Variants in HDAC9 observed in about 807,000 individuals in gnomAD.
HDAC9 encodes MEF-2 interacting transcription repressor (MITR) protein.
Under a neutral mutation model 139.4 loss-of-function variants are expected in HDAC9, and 41 were observed. That is an observed-to-expected ratio of 0.29 (90% CI 0.23 to 0.38). The LOEUF is 0.38. HDAC9 is among the 10% of genes least tolerant of loss of function. The pLI, the probability that HDAC9 is intolerant of heterozygous loss-of-function variation, is 1.00. For missense variants in HDAC9, 1,147 were observed against 1,297.0 expected (o/e 0.88, Z 1.78); for synonymous variants, 517 against 476.2 (o/e 1.09, Z -1.12).
chr7:18,342,003 G>A (rs569782627), intron 1 of HDAC9, among the ~76,000 whole-genome samples: 14 of 151,892 alleles, frequency 9.2e-5, no homozygotes, highest in Admixed American at 4.6e-4. Flanking sequence ...TCAGTGTCCC[G>A]TGATCAAAGA....
At chr7:18,897,010 T>C (rs1475215129) in intron 22 of HDAC9, among the ~76,000 whole-genome samples, 1 of 152,090 alleles carries the variant, frequency 6.6e-6, no homozygotes, top group Non-Finnish European at 1.5e-5. Context: ...AATGACATTG[T>C]AAAGGATTTA....
At chr7:18,131,904 CCTT>C (rs1785037986) in intron 1 of HDAC9, among the ~76,000 whole-genome samples, 1 of 152,144 alleles carries the variant, frequency 6.6e-6, no homozygotes, top group Non-Finnish European at 1.5e-5. Context: ...ATTTAAGACA[CCTT>C]CTTCCCCAAT....
At chr7:18,104,119 G>A (rs1783037951) in intron 1 of HDAC9, among the ~76,000 whole-genome samples, 1 of 152,192 alleles carries the variant, frequency 6.6e-6, no homozygotes, top group African/African-American at 2.4e-5. Flanking sequence ...GACAAGGGGA[G>A]CATGTGCAAA....
chr7:18,429,760 C>A (rs917559097), intron 1 of HDAC9, among the ~76,000 whole-genome samples: 1 of 152,090 alleles, frequency 6.6e-6, no homozygotes, highest in Non-Finnish European at 1.5e-5. Context: ...AACGAATCAT[C>A]GAATTCCTAT....
intron 19 of HDAC9, among the ~76,000 whole-genome samples, chr7:18,834,809 G>T (rs1163757571): frequency 6.6e-6 from 1 of 152,146 alleles, no homozygotes; most frequent in Non-Finnish European, 1.5e-5. Flanking sequence ...ACTGCGGAGG[G>T]ATTGCTAACT....
chr7:18,537,324 T>C (rs1362656837), intron 2 of HDAC9, among the ~76,000 whole-genome samples: 2 of 152,052 alleles, frequency 1.3e-5, no homozygotes, highest in Non-Finnish European at 2.9e-5. Context: ...GGGTTTGGGA[T>C]AGAGGAGAAA....
chr7:18,361,744 T>C (rs1783794436), intron 1 of HDAC9, among the ~76,000 whole-genome samples: 1 of 152,120 alleles, frequency 6.6e-6, no homozygotes, highest in Non-Finnish European at 1.5e-5. Flanking sequence ...CTGTTGCAAA[T>C]GTGTAATTTT....
At position 18,680,788 on chromosome 7, in the gene HDAC9, C is replaced by T. The variant is rs537653583; in HGVS notation, c.1731+14312C>T. 2.6e-5 allele frequency among the ~76,000 whole-genome samples: 4 copies of T among 152,156 alleles called. No individual in the cohort carries two copies. In the South Asian group the frequency reaches 8.3e-4, roughly 32 times the overall value. ...CATGTCACTCTGGACCTCTGAGGCT[C>T]TTTGTCTGTCAAGGAGATGAACAAT... is the stretch of plus-strand genomic sequence containing the variant. On this transcript the variant is annotated intron_variant, in intron 12 of 25. Transcript: ENST00000686413.
chr7:18,276,194 T>G (rs902623261), intron 2 of HDAC9, among the ~76,000 whole-genome samples: 16 of 152,208 alleles, frequency 1.1e-4, no homozygotes, highest in African/African-American at 3.6e-4. Context: ...ATACTATAGC[T>G]TGACTCCATT....
intron 1 of HDAC9, among the ~76,000 whole-genome samples, chr7:18,403,317 A>C (rs1040328796): frequency 6.6e-6 from 1 of 152,168 alleles, no homozygotes; most frequent in African/African-American, 2.4e-5. Context: ...ATTACTATAG[A>C]ATGGCATACT....
chr7:18,363,123 A>G (rs1188312956), intron 1 of HDAC9, among the ~76,000 whole-genome samples: 1 of 152,176 alleles, frequency 6.6e-6, no homozygotes, highest in African/African-American at 2.4e-5. Context: ...ATTAGTTATA[A>G]TTAATTCGGT....
At chr7:18,278,191 A>G (rs1469464477) in intron 2 of HDAC9, among the ~76,000 whole-genome samples, 2 of 152,202 alleles carry the variant, frequency 1.3e-5, no homozygotes, top group South Asian at 2.1e-4. Context: ...TTTCAGTTGC[A>G]GGAAATTGGC....
chr7:18,961,512 T>G (rs1783527438), intron 24 of HDAC9, among the ~76,000 whole-genome samples: 1 of 152,278 alleles, frequency 6.6e-6, no homozygotes, highest in East Asian at 1.9e-4. Flanking sequence ...ACTTTGCTGA[T>G]AGAAAGTCTT....
chr7:18,629,884 G>A lies in HDAC9; in HGVS notation c.796+403G>A, dbSNP rs183693579. On this transcript the variant is annotated intron_variant, in intron 7 of 25. Transcript: ENST00000686413. ...ACATGAATGTACAAAATACATCTGGGAAAATTAAACTACATGGAACAGCAA... is the reference window on the plus strand; with the variant it reads ...ACATGAATGTACAAAATACATCTGGAAAAATTAAACTACATGGAACAGCAA... 1.4e-3 allele frequency among the ~76,000 whole-genome samples: 214 copies of A among 152,150 alleles called. 1 individual carries two copies. The Middle Eastern group carries it at 0.031, about 22-fold the overall frequency.
At chr7:18,567,236 A>C (rs566087306) in intron 2 of HDAC9, among the ~76,000 whole-genome samples, 1 of 152,146 alleles carries the variant, frequency 6.6e-6, no homozygotes, top group Non-Finnish European at 1.5e-5. Flanking sequence ...TTGAATTTCT[A>C]TGTTGAACTA....
At chr7:18,714,584 C>T (rs752778732) in intron 12 of HDAC9, among the ~76,000 whole-genome samples, 5 of 152,220 alleles carry the variant, frequency 3.3e-5, no homozygotes, top group African/African-American at 9.6e-5. Context: ...TGCCCTGTCA[C>T]GAGAGTGACT....
chr7:18,099,932 A>T (rs1476699712), intron 1 of HDAC9, among the ~76,000 whole-genome samples: 1 of 152,130 alleles, frequency 6.6e-6, no homozygotes, highest in East Asian at 1.9e-4. Flanking sequence ...AGTGCTCTTT[A>T]TTCCTTTGTC....
chr7:18,709,840 C>T (rs1784217095), intron 12 of HDAC9, among the ~76,000 whole-genome samples: 2 of 152,166 alleles, frequency 1.3e-5, no homozygotes, highest in Non-Finnish European at 2.9e-5. Flanking sequence ...CCCAGCCTTG[C>T]CCTGTGATTC....
chr7:18,948,691 A>G (rs747203340), intron 23 of HDAC9, among the ~76,000 whole-genome samples: 6 of 152,104 alleles, frequency 3.9e-5, no homozygotes, highest in Admixed American at 3.3e-4. Flanking sequence ...TTCCATACAT[A>G]CTTAAAACCA....
Sources: gnomAD v4.1 joint callset for allele counts (sites outside exome capture counted in the v4.1 genomes callset) on GRCh38, gnomAD v4.1.1 for gene constraint, MANE v1.5 for transcripts, NCBI Gene and HGNC (gene_info 2026-07-23, HGNC 2026-07-21) for gene names.